Variants in ACBD6 observed in about 807,000 individuals in gnomAD.
ACBD6 encodes acyl-CoA-binding domain-containing protein 6.
Under a neutral mutation model 37.2 loss-of-function variants are expected in ACBD6, and 28 were observed. That is an observed-to-expected ratio of 0.75 (90% CI 0.56 to 1.03). The LOEUF (loss-of-function observed/expected upper bound fraction) is 1.03. Ranked by LOEUF, ACBD6 falls within the 50% of genes least tolerant of loss-of-function variation. The probability of loss-of-function intolerance (pLI) is 0.00; values close to 1 mark genes in which losing one functional copy is unlikely to be tolerated. For missense variants in ACBD6, 340 were observed against 337.4 expected (o/e 1.01, Z -0.06); for synonymous variants, 113 against 126.8 (o/e 0.89, Z 0.73).
exon 14 of ACBD6, chr1:180,271,757 C>T (rs530092684): frequency 3.3e-5 from 51 of 1,539,152 alleles, no homozygotes; most frequent in Admixed American, 1.3e-4. Flanking sequence ...TGCTTCCAGC[C>T]GCCCGCCTAG....
At chr1:180,346,267 A>C (rs1273497565) in intron 6 of ACBD6, among the ~76,000 whole-genome samples, 1 of 152,238 alleles carries the variant, frequency 6.6e-6, no homozygotes. Flanking sequence ...GTGTGAGCTC[A>C]GTGAATTTTG....
chr1:180,271,392 C>G (rs746041842), exon 14 of ACBD6: 13 of 1,614,184 alleles, frequency 8.1e-6, no homozygotes, highest in Non-Finnish European at 1.1e-5. Context: ...GACTCAGAGG[C>G]TGGAGCTAAG....
At chr1:180,271,573 G>A in exon 14 of ACBD6, 1 of 1,611,408 alleles carries the variant, frequency 6.2e-7, no homozygotes, top group Non-Finnish European at 8.5e-7. Context: ...GGGGATCCCA[G>A]GCCCGGGACA....
intron 7 of ACBD6, among the ~76,000 whole-genome samples, chr1:180,294,858 G>C (rs930980064): frequency 6.6e-6 from 1 of 151,980 alleles, no homozygotes; most frequent in African/African-American, 2.4e-5. Context: ...ACTATGCCTG[G>C]CATGTTTTAA....
chr1:180,365,286 T>C (rs766493649), intron 6 of ACBD6, among the ~76,000 whole-genome samples: 205 of 152,210 alleles, frequency 1.3e-3, no homozygotes, highest in Non-Finnish European at 2.6e-3. Context: ...GTGCCCACGA[T>C]TGCCATATTT....
At chr1:180,399,020 C>T (rs1274553641) in intron 5 of ACBD6, among the ~76,000 whole-genome samples, 2 of 152,248 alleles carry the variant, frequency 1.3e-5, no homozygotes, top group Middle Eastern at 3.4e-3. Flanking sequence ...AAACTAGGAT[C>T]TATTCTTTAA....
At chr1:180,271,304 T>C in exon 14 of ACBD6, 1 of 1,515,944 alleles carries the variant, frequency 6.6e-7, no homozygotes, top group Non-Finnish European at 9.2e-7. Flanking sequence ...GCAGAAAGGA[T>C]GGAAGGGAGG....
At chr1:180,314,574 G>GT (rs1180968222) in intron 7 of ACBD6, 118 bp downstream of exon 7, 19 of 824,144 alleles carry the variant, frequency 2.3e-5, no homozygotes, top group Non-Finnish European at 5.9e-6. Flanking sequence ...AAAAGTTATT[G>GT]TATCTCTGCT....
exon 11 of ACBD6, chr1:180,274,102 C>T (rs1648866594): frequency 6.5e-7 from 1 of 1,547,570 alleles, no homozygotes; most frequent in Non-Finnish European, 8.9e-7. Flanking sequence ...CTTTCCTGGT[C>T]ATGTGTGTTC....
intron 6 of ACBD6, among the ~76,000 whole-genome samples, chr1:180,324,574 C>T (rs1461430453): frequency 2.0e-5 from 3 of 151,966 alleles, no homozygotes; most frequent in East Asian, 3.9e-4. Flanking sequence ...AAAAGTTATC[C>T]TAGTTATTAT....
intron 6 of ACBD6, among the ~76,000 whole-genome samples, chr1:180,315,059 T>A (rs1438331537): frequency 2.0e-5 from 3 of 149,820 alleles, no homozygotes; most frequent in Non-Finnish European, 2.9e-5. Context: ...TATGTCTCAT[T>A]TATCTTGGCC....
At chr1:180,276,991 CAGTG>C (rs1187486267) in intron 9 of ACBD6, 6 of 152,198 alleles carry the variant, frequency 3.9e-5, no homozygotes, top group African/African-American at 1.2e-4. Context: ...TTGAGGAACT[CAGTG>C]AGCAGTTGAC....
intron 6 of ACBD6, among the ~76,000 whole-genome samples, chr1:180,397,297 A>T (rs780979630): frequency 5.3e-5 from 8 of 152,026 alleles, no homozygotes; most frequent in East Asian, 3.8e-4. Context: ...GGGGAGAAAT[A>T]AAAAAAATGT....
At position 180,274,462 on chromosome 1, in the gene ACBD6, G is replaced by T. The variant is rs765708017; in HGVS notation, c.*936+189C>A. 9.3e-6 allele frequency: 15 copies of T among 1,614,086 alleles called. No homozygotes were observed. The South Asian group carries it at 1.6e-4, about 18-fold the overall frequency. On this transcript the variant is annotated intron_variant, in intron 10 of 13. Transcript: ENST00000642319. ...CAGGGCAGGGAGTAAGCCAGACGCT[G>T]AGAGCCATGGCTGGGGGACCCACCT...
intron 8 of ACBD6, among the ~76,000 whole-genome samples, chr1:180,283,113 CTGTG>C (rs1426137065): frequency 5.9e-5 from 9 of 151,914 alleles, no homozygotes; most frequent in African/African-American, 2.2e-4. Flanking sequence ...ACTTTTTATC[CTGTG>C]TGTGTGCATA....
At chr1:180,428,561 G>T (rs1201742278) in intron 4 of ACBD6, among the ~76,000 whole-genome samples, 1 of 152,104 alleles carries the variant, frequency 6.6e-6, no homozygotes, top group Non-Finnish European at 1.5e-5. Flanking sequence ...TCTATCTCAG[G>T]ATTTCTACTC....
chr1:180,484,700 T>C (rs1224973321), intron 3 of ACBD6, among the ~76,000 whole-genome samples: 2 of 152,196 alleles, frequency 1.3e-5, no homozygotes, highest in African/African-American at 4.8e-5. Flanking sequence ...ACAATGAATA[T>C]GTATTCAACA....
intron 6 of ACBD6, among the ~76,000 whole-genome samples, chr1:180,392,854 C>A (rs554843750): frequency 6.6e-6 from 1 of 152,012 alleles, no homozygotes; most frequent in South Asian, 2.1e-4. Context: ...TAAGCTTATA[C>A]AATTTATATG....
rs771768585 is a variant in ACBD6, at chr1:180,288,984, T to C, written c.695-467A>G. 2.7e-5 allele frequency among the ~76,000 whole-genome samples: 4 copies of C among 148,800 alleles called. No individual in the cohort carries two copies. In the Admixed American group the frequency reaches 2.7e-4, roughly 10 times the overall value. ...GTAACTAACTGAACTTTACAATTTG[T>C]AAATTTTTTAAAAAAAAGCTGGCCC... On this transcript the variant is annotated intron_variant, in intron 7 of 7. Coordinates refer to ENST00000367595, the MANE Select transcript of ACBD6 (RefSeq NM_032360.4).
Sources: gnomAD v4.1 joint callset for allele counts (sites outside exome capture counted in the v4.1 genomes callset) on GRCh38, gnomAD v4.1.1 for gene constraint, MANE v1.5 for transcripts, NCBI Gene and HGNC (gene_info 2026-07-23, HGNC 2026-07-21) for gene names.